C6orf52: variants seen among roughly 807,000 people sequenced by gnomAD.
C6orf52 encodes the protein chromosome 6 open reading frame 52, also known as putative uncharacterized protein C6orf52.
In C6orf52, 16 loss-of-function variants were observed where a neutral mutation model predicts 16.6. The observed-to-expected ratio is 0.96, with a 90% confidence interval of 0.65 to 1.46. The LOEUF (loss-of-function observed/expected upper bound fraction) is 1.46. Ranked by LOEUF, C6orf52 falls within the 40% of genes most tolerant of loss-of-function variation. The pLI is 0.00. For missense variants in C6orf52, 166 were observed against 182.3 expected, an observed-to-expected ratio of 0.91 and a Z score of 0.52; for synonymous variants, 53 against 61.4, an observed-to-expected ratio of 0.86 and a Z score of 0.64.
intron 4 of C6orf52, 111 bp from the exon 5 acceptor site, chr6:10,671,709 T>C (rs566374089): frequency 3.3e-6 from 2 of 598,124 alleles, no homozygotes; most frequent in Admixed American, 3.8e-5. Context: ...GTACTGCAGA[T>C]AGTAAAGGTT....
intron 4 of C6orf52, among the ~76,000 whole-genome samples, chr6:10,677,540 T>C (rs1393703645): frequency 6.6e-6 from 1 of 150,716 alleles, no homozygotes; most frequent in African/African-American, 2.5e-5. Context: ...TTTTTCTTTT[T>C]TTTTTTCCCA....
At chr6:10,672,501 G>C in intron 4 of C6orf52, 1 of 681,326 alleles carries the variant, frequency 1.5e-6, no homozygotes, top group Admixed American at 2.2e-5. Flanking sequence ...GACAGAAGTA[G>C]TGCCCTTATA....
intron 3 of C6orf52, among the ~76,000 whole-genome samples, chr6:10,683,616 C>T (rs148993492): frequency 2.0e-4 from 30 of 152,316 alleles, no homozygotes; most frequent in African/African-American, 6.3e-4. Context: ...TTCTGCTCCT[C>T]CTTCCAGAAG....
At chr6:10,674,088 G>A (rs933768419) in intron 4 of C6orf52, among the ~76,000 whole-genome samples, 8 of 152,160 alleles carry the variant, frequency 5.3e-5, no homozygotes, top group African/African-American at 1.9e-4. Flanking sequence ...TTCTGGTGAG[G>A]ACCCTCTTCT....
At chr6:10,678,960 G>A (rs1004180685) in intron 4 of C6orf52, among the ~76,000 whole-genome samples, 1 of 152,008 alleles carries the variant, frequency 6.6e-6, no homozygotes, top group African/African-American at 2.4e-5. Flanking sequence ...AGGCATGGTG[G>A]TGCTTGCCTA....
chr6:10,694,610 G>GT lies in C6orf52; in HGVS notation c.-129_-128insA. 21 of 196,910 alleles carry GT rather than the reference G, an allele frequency of 1.1e-4. No individual in the cohort carries two copies. The highest frequency in any genetic ancestry group is 4.2e-4 in the East Asian group (3 of 7,068). The allele number at this position is 196,910 out of a possible 1,614,324, so 12.2% of individuals were successfully genotyped here. Reference sequence around the variant, plus strand: ...CGCTACAGCCCCTAAGCAACCGGCCGGAAGTCGGCCCCACCTCCTCCTGAT... The same window carrying GT: ...CGCTACAGCCCCTAAGCAACCGGCCGTGAAGTCGGCCCCACCTCCTCCTGAT... On this transcript the variant is annotated 5_prime_UTR_variant, in exon 1 of 5. Coordinates refer to ENST00000259983, the MANE Select transcript of C6orf52 (RefSeq NM_001145020.3).
At position 10,671,453 on chromosome 6, in the gene C6orf52, G is replaced by A; in HGVS notation, c.*3C>T. 1 of 1,529,688 alleles carries A rather than the reference G, an allele frequency of 6.5e-7. No homozygotes were observed. The highest frequency in any genetic ancestry group is 8.8e-7 in the Non-Finnish European group (1 of 1,141,178). 94.8% of individuals were successfully genotyped at this position (1,529,688 alleles called of 1,614,324 possible). On this transcript the variant is annotated 3_prime_UTR_variant, in exon 5 of 5. Transcript: ENST00000259983. ...AATTGCGGAGTTTAATGAACACCTT[G>A]CTTCACTTCGGGGTCTCATCTGGGA... is the stretch of plus-strand genomic sequence containing the variant.
At chr6:10,678,132 C>T (rs1003295509) in intron 4 of C6orf52, among the ~76,000 whole-genome samples, 34 of 147,410 alleles carry the variant, frequency 2.3e-4, no homozygotes, top group Non-Finnish European at 4.0e-4. Context: ...TGCAGTGAGC[C>T]GAGCTCAAAC....
intron 1 of C6orf52, among the ~76,000 whole-genome samples, chr6:10,694,107 A>G (rs1025928581): frequency 3.3e-5 from 5 of 151,976 alleles, no homozygotes; most frequent in African/African-American, 1.2e-4. Flanking sequence ...TAAAAAATAC[A>G]AAATTAGCCA....
At chr6:10,694,305 G>T (rs536437619) in intron 1 of C6orf52, among the ~76,000 whole-genome samples, 189 bp downstream of exon 1, 40 of 150,722 alleles carry the variant, frequency 2.7e-4, no homozygotes, top group Non-Finnish European at 5.4e-4. Flanking sequence ...CCCTCCCCAG[G>T]AGGTGCCGCA....
intron 1 of C6orf52, among the ~76,000 whole-genome samples, chr6:10,693,914 A>G (rs775158604): frequency 2.0e-5 from 3 of 152,102 alleles, no homozygotes; most frequent in Non-Finnish European, 4.4e-5. Context: ...ATTTTTGTAG[A>G]GACGGCATCA....
In C6orf52 at chr6:10,694,589, AC is replaced by A; in HGVS notation, c.-108del. The A allele has an allele frequency of 1.1e-5, 2 of 178,142 alleles. No individual in the cohort carries two copies. The highest frequency in any genetic ancestry group is 9.8e-5 in the South Asian group (1 of 10,156). The allele number at this position is 178,142 out of a possible 1,614,324, so 11.0% of individuals were successfully genotyped here. On this transcript the variant is annotated 5_prime_UTR_variant, in exon 1 of 5. Transcript: ENST00000259983. ...CACAACAATGCACGCTGCCGGCGCT[AC>A]AGCCCCTAAGCAACCGGCCGGAAGT...
intron 1 of C6orf52, among the ~76,000 whole-genome samples, chr6:10,690,776 C>T (rs1486672741): frequency 6.6e-6 from 1 of 152,182 alleles, no homozygotes; most frequent in Non-Finnish European, 1.5e-5. Flanking sequence ...AATGAACTCT[C>T]AACATTGGTT....
chr6:10,676,061 C>T (rs1767850185), intron 4 of C6orf52, among the ~76,000 whole-genome samples: 2 of 152,042 alleles, frequency 1.3e-5, no homozygotes, highest in African/African-American at 2.4e-5. Context: ...ACGGGGGAGG[C>T]GGAGGCTGCA....
At chr6:10,675,128 G>A (rs530807014) in intron 4 of C6orf52, among the ~76,000 whole-genome samples, 4 of 151,938 alleles carry the variant, frequency 2.6e-5, no homozygotes, top group Admixed American at 1.3e-4. Flanking sequence ...TCTCTTGAAC[G>A]GTATTCCTCC....
intron 2 of C6orf52, 111 bp downstream of exon 2, chr6:10,687,369 G>A (rs111468923): frequency 0.058 from 51,812 of 887,844 alleles, 1,909 homozygotes; most frequent in Middle Eastern, 0.079. Flanking sequence ...TTCTGCACAT[G>A]TACCCCAGAA....
chr6:10,675,418 C>G (rs149436944), intron 4 of C6orf52, among the ~76,000 whole-genome samples: 2,064 of 152,210 alleles, frequency 0.014, 48 homozygotes, highest in African/African-American at 0.046. Context: ...TTTTCTTTAT[C>G]CATTCATCCA....
intron 1 of C6orf52, among the ~76,000 whole-genome samples, chr6:10,688,359 TAC>T (rs1561880498): frequency 6.6e-6 from 1 of 152,242 alleles, no homozygotes; most frequent in African/African-American, 2.4e-5. Context: ...GTAGCAAGGT[TAC>T]ACAGTGTCAA....
At chr6:10,690,751 C>T (rs114080191) in intron 1 of C6orf52, among the ~76,000 whole-genome samples, 1,877 of 152,306 alleles carry the variant, frequency 0.012, 37 homozygotes, top group African/African-American at 0.041. Context: ...AATATCCTCT[C>T]GTGCTTTAGT....
Sources: allele counts gnomAD v4.1 joint callset (sites outside exome capture counted in the v4.1 genomes callset), GRCh38; gene constraint gnomAD v4.1.1; transcripts MANE v1.5; gene names NCBI Gene and HGNC (gene_info 2026-07-23, HGNC 2026-07-21).